SEL1L3: variants seen among roughly 807,000 people sequenced by gnomAD.
SEL1L3 encodes the protein SEL1L family member 3.
A neutral mutation model predicts 142.8 loss-of-function variants in SEL1L3; 76 were observed. The observed-to-expected ratio is 0.53, with a 90% CI of 0.44 to 0.64. The LOEUF (loss-of-function observed/expected upper bound fraction) is 0.64, where lower values mean the gene tolerates loss of function less well. SEL1L3 is among the 30% of genes least tolerant of loss of function. The pLI, the probability that SEL1L3 is intolerant of heterozygous loss-of-function variation, is 0.00. For missense variants in SEL1L3, 1,262 were observed against 1,381.7 expected (o/e 0.91, Z 1.37); for synonymous variants, 504 against 519.6 (o/e 0.97, Z 0.41).
chr4:25,829,385 C>A (rs1331811511), intron 6 of SEL1L3, among the ~76,000 whole-genome samples: 1 of 152,186 alleles, frequency 6.6e-6, no homozygotes, highest in Non-Finnish European at 1.5e-5. Flanking sequence ...GCATTTATTA[C>A]CCCAATAAAC....
intron 9 of SEL1L3, 33 bp downstream of exon 9, chr4:25,818,105 C>T: frequency 6.2e-7 from 1 of 1,602,468 alleles, no homozygotes. Context: ...CCTTTCTAAC[C>T]AGCGCCTAAA....
intron 17 of SEL1L3, among the ~76,000 whole-genome samples, chr4:25,771,316 G>A (rs1320760700): frequency 6.6e-6 from 1 of 152,190 alleles, no homozygotes; most frequent in Admixed American, 6.5e-5. Context: ...ATTTTGACAG[G>A]GAGAGGGGAA....
At position 25,748,120 on chromosome 4, in the gene SEL1L3, G is replaced by T; in HGVS notation, c.*305C>A. Reference sequence around the variant, plus strand: ...TATAAGAATCCAGATCTGCCGTAGGGCATGCTATGACTCCTAATACATACA... The same window carrying T: ...TATAAGAATCCAGATCTGCCGTAGGTCATGCTATGACTCCTAATACATACA... On this transcript the variant is annotated 3_prime_UTR_variant, in exon 24 of 24. Transcript: ENST00000399878. The T allele has an allele frequency of 3.1e-6, 1 of 325,178 alleles. No homozygotes were observed. The highest frequency in any genetic ancestry group is 5.7e-6 in the Non-Finnish European group (1 of 174,724). 20.1% of individuals were successfully genotyped at this position (325,178 alleles called of 1,614,324 possible).
the SEL1L3 span, among the ~76,000 whole-genome samples, chr4:25,736,971 C>CTT: frequency 8.0e-5 from 12 of 149,552 alleles, no homozygotes; most frequent in East Asian, 4.0e-4. Context: ...ATATGCTACT[C>CTT]TTTTTTTTTC....
chr4:25,749,491 A>T (rs779097241), intron 23 of SEL1L3, among the ~76,000 whole-genome samples: 3 of 152,212 alleles, frequency 2.0e-5, no homozygotes, highest in Non-Finnish European at 2.9e-5. Context: ...GTTAGTCATT[A>T]TCTGTGTGAG....
intron 1 of SEL1L3, chr4:25,861,885 G>C (rs1717732882): frequency 6.6e-6 from 1 of 152,024 alleles, no homozygotes; most frequent in African/African-American, 2.4e-5. Flanking sequence ...TGTTCTGAGG[G>C]GTCTCAGCTA....
the SEL1L3 span, among the ~76,000 whole-genome samples, chr4:25,728,138 G>A: frequency 6.6e-6 from 1 of 152,134 alleles, no homozygotes; most frequent in East Asian, 1.9e-4. Flanking sequence ...GACCATTAGT[G>A]TTTCTAAGGC....
At chr4:25,848,203 C>G (rs1047163821) in intron 1 of SEL1L3, among the ~76,000 whole-genome samples, 1 of 152,196 alleles carries the variant, frequency 6.6e-6, no homozygotes, top group Non-Finnish European at 1.5e-5. Context: ...AGGGAACCTG[C>G]CTTAGAATAA....
chr4:25,836,221 A>T (rs1289713888), intron 2 of SEL1L3, among the ~76,000 whole-genome samples: 1 of 152,210 alleles, frequency 6.6e-6, no homozygotes, highest in African/African-American at 2.4e-5. Flanking sequence ...ACAAATCTTA[A>T]AGGGAGAACT....
upstream of SEL1L3, chr4:25,863,317 C>T (rs1425228178): frequency 4.7e-6 from 2 of 422,336 alleles, no homozygotes; most frequent in Admixed American, 3.4e-5. Context: ...GCTCCCTCTT[C>T]CTTCTCCCCT....
chr4:25,852,838 TA>T (rs993697166), intron 1 of SEL1L3, among the ~76,000 whole-genome samples: 21 of 152,256 alleles, frequency 1.4e-4, no homozygotes, highest in African/African-American at 4.8e-4. Context: ...TGAGTAGGGA[TA>T]AGGGGTGTCA....
chr4:25,787,402 C>T (rs988603757), intron 13 of SEL1L3, among the ~76,000 whole-genome samples: 1 of 152,110 alleles, frequency 6.6e-6, no homozygotes, highest in African/African-American at 2.4e-5. Flanking sequence ...CTCACTGCAA[C>T]CTCTGCCTCC....
At chr4:25,735,826 C>CTTTTTTT in the SEL1L3 span, among the ~76,000 whole-genome samples, 8 of 101,580 alleles carry the variant, frequency 7.9e-5, no homozygotes, top group East Asian at 2.7e-4. Flanking sequence ...TCTAACTATT[C>CTTTTTTT]TTTTTTTTTT....
At chr4:25,817,383 G>C (rs1034906157) in intron 9 of SEL1L3, among the ~76,000 whole-genome samples, 1 of 152,170 alleles carries the variant, frequency 6.6e-6, no homozygotes, top group Non-Finnish European at 1.5e-5. Context: ...TCACCAGACC[G>C]AACATCTCCA....
chr4:25,776,981 A>C (rs1719678692), intron 16 of SEL1L3, among the ~76,000 whole-genome samples: 1 of 152,080 alleles, frequency 6.6e-6, no homozygotes, highest in African/African-American at 2.4e-5. Flanking sequence ...AATTACATTA[A>C]ATGTAAATGG....
At chr4:25,862,168 A>T (rs1717754679) in intron 1 of SEL1L3, 1 of 152,344 alleles carries the variant, frequency 6.6e-6, no homozygotes, top group African/African-American at 2.4e-5. Flanking sequence ...GTTGGCAGAA[A>T]ACTGTCCGGG....
intron 16 of SEL1L3, 52 bp downstream of exon 16, chr4:25,779,024 A>T: frequency 6.5e-7 from 1 of 1,537,784 alleles, no homozygotes; most frequent in Non-Finnish European, 8.8e-7. Context: ...TCAGGCACAG[A>T]GAATATAGGA....
intron 17 of SEL1L3, among the ~76,000 whole-genome samples, chr4:25,772,125 C>T (rs1453340089): frequency 3.9e-5 from 6 of 152,162 alleles, no homozygotes; most frequent in Admixed American, 2.6e-4. Context: ...TCACGTTGGA[C>T]GGTGAGGAGG....
rs117500415 is a variant in SEL1L3, at chr4:25,849,523, A to G, written c.163-1659T>C. The stretch of plus-strand genomic sequence containing the variant: ...GGGAGAAAAGAGGTTACCAGGGCCT[A>G]AGGGAAGAGGGGATTGAGGAGTTAG... On this transcript the variant is annotated intron_variant, in intron 1 of 23. Transcript: ENST00000399878. 2.4e-4 allele frequency among the ~76,000 whole-genome samples: 37 copies of G among 152,308 alleles called. No homozygotes were observed. In the East Asian group the frequency reaches 6.2e-3, roughly 25 times the overall value.
Sources: gnomAD v4.1 joint callset for allele counts (sites outside exome capture counted in the v4.1 genomes callset) on GRCh38, gnomAD v4.1.1 for gene constraint, MANE v1.5 for transcripts, NCBI Gene and HGNC (gene_info 2026-07-23, HGNC 2026-07-21) for gene names.